The following NUBPL variants were observed in gnomAD, a reference collection of about 807,000 sequenced individuals.
The protein encoded by NUBPL is NUBP iron-sulfur cluster assembly factor, mitochondrial, also known as iron-sulfur cluster transfer protein NUBPL.
NUBPL carries 31 observed loss-of-function variants against 45.7 expected under a neutral mutation model. The ratio of observed to expected loss-of-function variants is 0.68; its 90% CI spans 0.51 to 0.92. The LOEUF (loss-of-function observed/expected upper bound fraction) is 0.92, where lower values mean the gene tolerates loss of function less well. Ranked by LOEUF, NUBPL falls within the 40% of genes least tolerant of loss-of-function variation. The probability of loss-of-function intolerance (pLI) is 0.00; values close to 1 mark genes in which losing one functional copy is unlikely to be tolerated. For synonymous variants in NUBPL, 144 were observed against 140.9 expected (o/e 1.02, Z -0.15); for missense variants, 401 against 398.7 (o/e 1.01, Z -0.05).
chr14:31,700,565 C>T (rs923143697), intron 6 of NUBPL, among the ~76,000 whole-genome samples: 8 of 151,976 alleles, frequency 5.3e-5, no homozygotes, highest in East Asian at 1.9e-4. Flanking sequence ...GGGTGGGAAC[C>T]GAGGTTGCAT....
chr14:31,589,631 G>A (rs747462427), intron 3 of NUBPL, among the ~76,000 whole-genome samples: 2 of 151,966 alleles, frequency 1.3e-5, no homozygotes, highest in Non-Finnish European at 2.9e-5. Flanking sequence ...TCTTCTATTA[G>A]GTATTTTTCC....
rs544395377 is a variant in NUBPL at position 31,786,923 on chromosome 14, G to C, written c.514-857G>C. Among the ~76,000 whole-genome samples the C allele has an allele frequency of 7.2e-5, 11 of 152,242 alleles. No homozygotes were observed. In the South Asian group the frequency reaches 2.3e-3, roughly 32 times the overall value. Reference sequence around the variant, plus strand: ...TTGTTAGGAACAGACTAGATAGGCAGTGCTGGAGCCAGAGAGGCTGGTTGG... The same window carrying C: ...TTGTTAGGAACAGACTAGATAGGCACTGCTGGAGCCAGAGAGGCTGGTTGG... On this transcript the variant is annotated intron_variant, in intron 6 of 10. Transcript: ENST00000281081.
chr14:31,646,294 C>G (rs1257048655), intron 4 of NUBPL, among the ~76,000 whole-genome samples: 1 of 152,024 alleles, frequency 6.6e-6, no homozygotes, highest in East Asian at 1.9e-4. Flanking sequence ...TCAGGCGATT[C>G]TTGTACCTCG....
At chr14:31,711,843 G>A (rs1056557575) in intron 6 of NUBPL, among the ~76,000 whole-genome samples, 3 of 152,034 alleles carry the variant, frequency 2.0e-5, no homozygotes, top group East Asian at 1.9e-4. Flanking sequence ...AGACCTTCGC[G>A]GTGGGTGTTA....
At chr14:31,581,640 T>G (rs2033867035) in intron 3 of NUBPL, among the ~76,000 whole-genome samples, 1 of 152,208 alleles carries the variant, frequency 6.6e-6, no homozygotes, top group Non-Finnish European at 1.5e-5. Context: ...TGGAGAAGAC[T>G]CTTGAAGGAG....
At chr14:31,784,814 C>T (rs6571466) in intron 6 of NUBPL, among the ~76,000 whole-genome samples, 18,780 of 152,040 alleles carry the variant, frequency 0.12, 3,113 homozygotes, top group African/African-American at 0.38. Context: ...AAAAACAAAT[C>T]AACATATAAT....
intron 6 of NUBPL, among the ~76,000 whole-genome samples, chr14:31,676,181 G>C (rs975708945): frequency 6.6e-6 from 1 of 151,948 alleles, no homozygotes; most frequent in South Asian, 2.1e-4. Context: ...GCGCCACCAC[G>C]CCTGGCTAAT....
chr14:31,702,296 T>G (rs2037357968), intron 6 of NUBPL, among the ~76,000 whole-genome samples: 1 of 152,160 alleles, frequency 6.6e-6, no homozygotes, highest in African/African-American at 2.4e-5. Flanking sequence ...AGCCTTGATG[T>G]TCAGAGTTTT....
intron 4 of NUBPL, among the ~76,000 whole-genome samples, chr14:31,626,443 T>C (rs1273650798): frequency 1.3e-5 from 2 of 152,184 alleles, no homozygotes; most frequent in Non-Finnish European, 2.9e-5. Context: ...CCTGGCCCAC[T>C]GTTTAGCTTT....
chr14:31,693,612 T>C (rs2037139742), intron 6 of NUBPL, among the ~76,000 whole-genome samples: 1 of 152,148 alleles, frequency 6.6e-6, no homozygotes, highest in African/African-American at 2.4e-5. Context: ...GGTGAAGTCA[T>C]TGAATATTGT....
In NUBPL at chr14:31,601,574, C is replaced by G. The variant is rs530185010; in HGVS notation, c.382+2195C>G. Among the ~76,000 whole-genome samples, 419 of 152,172 alleles carry G rather than the reference C, an allele frequency of 2.8e-3. 2 individuals are homozygous for G. Among genetic ancestry groups the G allele is most frequent in the African/African-American group, 9.3e-3 (387 of 41,516 alleles). On this transcript the variant is annotated intron_variant, in intron 4 of 10. Transcript: ENST00000281081. ...ACAAACAACCCCATCAAAAAGTGGG[C>G]GAAGGACATGAACAGACACTTCTCA...
intron 7 of NUBPL, among the ~76,000 whole-genome samples, chr14:31,806,969 G>A (rs1050334116): frequency 5.9e-5 from 9 of 151,936 alleles, no homozygotes; most frequent in Non-Finnish European, 4.4e-5. Context: ...TTTTATGGCT[G>A]CATAGTATTC....
intron 6 of NUBPL, among the ~76,000 whole-genome samples, chr14:31,776,849 A>T (rs1049730810): frequency 2.6e-5 from 4 of 152,204 alleles, no homozygotes; most frequent in African/African-American, 4.8e-5. Context: ...GAGAAATGAA[A>T]TTGTTTAGTG....
chr14:31,744,564 G>T (rs2038353655), intron 6 of NUBPL, among the ~76,000 whole-genome samples: 1 of 150,068 alleles, frequency 6.7e-6, no homozygotes, highest in Non-Finnish European at 1.5e-5. Context: ...CTGTATACAG[G>T]ATAATAGAAT....
At chr14:31,823,799 G>A (rs1435420380) in intron 7 of NUBPL, among the ~76,000 whole-genome samples, 1 of 151,994 alleles carries the variant, frequency 6.6e-6, no homozygotes, top group Admixed American at 6.6e-5. Flanking sequence ...CCAAATGACT[G>A]GATATGAAAA....
intron 6 of NUBPL, among the ~76,000 whole-genome samples, chr14:31,727,428 TG>T (rs2037949971): frequency 1.3e-5 from 2 of 152,182 alleles, no homozygotes; most frequent in Admixed American, 6.5e-5. Flanking sequence ...GTGGAATTAG[TG>T]GTTTGTAACT....
At chr14:31,576,947 T>C (rs1257273665) in intron 3 of NUBPL, among the ~76,000 whole-genome samples, 1 of 152,198 alleles carries the variant, frequency 6.6e-6, no homozygotes, top group Non-Finnish European at 1.5e-5. Context: ...CTCAGTGTAA[T>C]TGGACTTACT....
chr14:31,741,147 C>T (rs1024834803), intron 6 of NUBPL, among the ~76,000 whole-genome samples: 2 of 152,150 alleles, frequency 1.3e-5, no homozygotes, highest in Non-Finnish European at 2.9e-5. Flanking sequence ...ATGTTTTTCA[C>T]CTCTTAGGAT....
chr14:31,830,162 G>A (rs549658750), intron 8 of NUBPL, among the ~76,000 whole-genome samples: 7 of 152,038 alleles, frequency 4.6e-5, no homozygotes, highest in African/African-American at 1.7e-4. Flanking sequence ...TTACTCCTTC[G>A]GCACATAAGG....
Sources: gnomAD v4.1 joint callset for allele counts (sites outside exome capture counted in the v4.1 genomes callset) on GRCh38, gnomAD v4.1.1 for gene constraint, MANE v1.5 for transcripts, NCBI Gene and HGNC (gene_info 2026-07-23, HGNC 2026-07-21) for gene names.